PTPRN2: variants seen among roughly 807,000 people sequenced by gnomAD.
PTPRN2 encodes protein tyrosine phosphatase receptor type N2, also known as receptor-type tyrosine-protein phosphatase N2.
PTPRN2 carries 74 observed loss-of-function variants against 118.8 expected under a neutral mutation model. The ratio of observed to expected loss-of-function variants is 0.62; its 90% CI spans 0.52 to 0.76. The LOEUF (loss-of-function observed/expected upper bound fraction) is 0.76. Among genes scored for constraint, PTPRN2 ranks in the 30% least tolerant of loss-of-function variants. The pLI is 0.00. For synonymous variants in PTPRN2, 641 were observed against 608.0 expected (o/e 1.05, Z -0.80); for missense variants, 1,481 against 1,394.4 (o/e 1.06, Z -0.99).
intron 12 of PTPRN2, among the ~76,000 whole-genome samples, chr7:157,700,687 C>T (rs1220467075): frequency 6.6e-6 from 1 of 152,172 alleles, no homozygotes; most frequent in Non-Finnish European, 1.5e-5. Flanking sequence ...AAAATTCCAC[C>T]AACCCTTCCT....
intron 1 of PTPRN2, among the ~76,000 whole-genome samples, chr7:158,522,419 C>CAGG (rs1824260833): frequency 6.6e-6 from 1 of 150,740 alleles, no homozygotes; most frequent in Non-Finnish European, 1.5e-5. Context: ...GGTGCTGGCT[C>CAGG]AGGGGGAAGG....
At chr7:157,906,759 G>A (rs919742698) in intron 11 of PTPRN2, among the ~76,000 whole-genome samples, 2 of 152,180 alleles carry the variant, frequency 1.3e-5, no homozygotes, top group African/African-American at 4.8e-5. Context: ...GACCACGGGC[G>A]GTGTGGAGGA....
intron 6 of PTPRN2, among the ~76,000 whole-genome samples, chr7:158,163,993 T>C (rs1822632638): frequency 6.6e-6 from 1 of 152,214 alleles, no homozygotes; most frequent in African/African-American, 2.4e-5. Flanking sequence ...AAGCGCACAG[T>C]GCAGTTTGGA....
chr7:157,932,451 T>G (rs1799417675), intron 11 of PTPRN2, among the ~76,000 whole-genome samples: 1 of 152,062 alleles, frequency 6.6e-6, no homozygotes, highest in South Asian at 2.1e-4. Flanking sequence ...GTCACTTTGA[T>G]TGACAGTTTC....
At chr7:158,392,510 G>A (rs1170072874) in intron 2 of PTPRN2, among the ~76,000 whole-genome samples, 2 of 152,210 alleles carry the variant, frequency 1.3e-5, no homozygotes, top group Non-Finnish European at 2.9e-5. Flanking sequence ...CTCTTGGCCA[G>A]CAAGAGCTCC....
chr7:157,655,514 CA>C (rs1384962556), intron 14 of PTPRN2, among the ~76,000 whole-genome samples: 1 of 152,228 alleles, frequency 6.6e-6, no homozygotes. Context: ...CAGCAACTTA[CA>C]GGGTCCATCC....
chr7:158,333,559 C>G (rs1252022050), intron 2 of PTPRN2, among the ~76,000 whole-genome samples: 2 of 151,420 alleles, frequency 1.3e-5, no homozygotes, highest in African/African-American at 2.4e-5. Context: ...CACCCACACT[C>G]TCACCATAAG....
chr7:157,841,881 G>A (rs1393632843), intron 12 of PTPRN2, among the ~76,000 whole-genome samples: 4 of 146,160 alleles, frequency 2.7e-5, no homozygotes, highest in Admixed American at 6.9e-5. Flanking sequence ...GCCTGCAGGG[G>A]CCCACAGGAC....
At chr7:158,550,166 C>A (rs1826555241) in intron 1 of PTPRN2, among the ~76,000 whole-genome samples, 1 of 152,194 alleles carries the variant, frequency 6.6e-6, no homozygotes, top group Non-Finnish European at 1.5e-5. Flanking sequence ...TGGAGATTGA[C>A]TCCTCGAGCT....
chr7:157,895,869 G>A (rs74430919), intron 12 of PTPRN2, among the ~76,000 whole-genome samples: 5 of 152,094 alleles, frequency 3.3e-5, no homozygotes, highest in South Asian at 2.1e-4. Flanking sequence ...CCAGTGGTGC[G>A]GGTCCTGGGA....
At chr7:158,433,529 A>C (rs2129430409) in intron 2 of PTPRN2, among the ~76,000 whole-genome samples, 1 of 152,366 alleles carries the variant, frequency 6.6e-6, no homozygotes, top group South Asian at 2.1e-4. Context: ...AAAGCTGCTG[A>C]TGATACGGAT....
At chr7:158,333,636 AC>A (rs1171722804) in intron 2 of PTPRN2, among the ~76,000 whole-genome samples, 1 of 151,110 alleles carries the variant, frequency 6.6e-6, no homozygotes, top group African/African-American at 2.5e-5. Context: ...TACAGACATC[AC>A]TCACACCCAC....
chr7:158,429,698 C>T (rs753580026), intron 2 of PTPRN2, among the ~76,000 whole-genome samples: 1 of 152,224 alleles, frequency 6.6e-6, no homozygotes, highest in Non-Finnish European at 1.5e-5. Context: ...AAGATGGGCT[C>T]AACTCAGTTT....
chr7:158,291,363 T>G (rs1800110032), intron 3 of PTPRN2, among the ~76,000 whole-genome samples: 1 of 152,224 alleles, frequency 6.6e-6, no homozygotes, highest in Non-Finnish European at 1.5e-5. Flanking sequence ...TCACACATAT[T>G]TGTTGATCTG....
At chr7:157,942,349 T>C (rs1003921281) in intron 11 of PTPRN2, among the ~76,000 whole-genome samples, 2 of 152,126 alleles carry the variant, frequency 1.3e-5, no homozygotes, top group African/African-American at 4.8e-5. Context: ...CTAGTTTTGC[T>C]CCCGCATCTG....
chr7:157,935,698 C>T (rs1203360254), intron 11 of PTPRN2, among the ~76,000 whole-genome samples: 1 of 152,178 alleles, frequency 6.6e-6, no homozygotes. Context: ...TGAACATTGG[C>T]GGGTACATCA....
chr7:158,380,121 A>C (rs1810854901), intron 2 of PTPRN2, among the ~76,000 whole-genome samples: 1 of 152,224 alleles, frequency 6.6e-6, no homozygotes, highest in East Asian at 1.9e-4. Context: ...ACACAGCCAA[A>C]CCATATCATT....
intron 2 of PTPRN2, among the ~76,000 whole-genome samples, chr7:158,478,785 A>G (rs1406651171): frequency 6.6e-6 from 1 of 152,148 alleles, no homozygotes; most frequent in African/African-American, 2.4e-5. Context: ...GTGGCTGTTT[A>G]ATTAGCAACT....
At chr7:158,147,690 C>G (rs1820292892) in intron 6 of PTPRN2, among the ~76,000 whole-genome samples, 1 of 146,580 alleles carries the variant, frequency 6.8e-6, no homozygotes. Context: ...CACCCCATCT[C>G]ACGCCACACG....
Sources: allele counts gnomAD v4.1 joint callset (sites outside exome capture counted in the v4.1 genomes callset), GRCh38; gene constraint gnomAD v4.1.1; transcripts MANE v1.5; gene names NCBI Gene and HGNC (gene_info 2026-07-23, HGNC 2026-07-21).